TTC28: variants seen among roughly 807,000 people sequenced by gnomAD.
TTC28 encodes the protein tetratricopeptide repeat protein 28.
In TTC28, 61 loss-of-function variants were observed where a neutral mutation model predicts 198.0. The ratio of observed to expected loss-of-function variants is 0.31; its 90% CI spans 0.25 to 0.38. The LOEUF (loss-of-function observed/expected upper bound fraction) is 0.38. Ranked by LOEUF, TTC28 falls within the 10% of genes least tolerant of loss-of-function variation. The pLI is 1.00. For synonymous variants in TTC28, 1,171 were observed against 1,297.8 expected (o/e 0.90, Z 2.10); for missense variants, 2,678 against 3,164.0 (o/e 0.85, Z 3.69).
At chr22:28,244,913 TC>T (rs1929967630) in intron 5 of TTC28, among the ~76,000 whole-genome samples, 1 of 152,184 alleles carries the variant, frequency 6.6e-6, no homozygotes, top group East Asian at 1.9e-4. Context: ...TAGCTGGCCA[TC>T]CACATACACC....
intron 2 of TTC28, among the ~76,000 whole-genome samples, chr22:28,448,813 C>A (rs143780363): frequency 6.6e-6 from 1 of 152,176 alleles, no homozygotes; most frequent in Admixed American, 6.5e-5. Flanking sequence ...CAAAGCAGAT[C>A]ACCTCTGACC....
chr22:28,235,388 C>T (rs927043549), intron 5 of TTC28, among the ~76,000 whole-genome samples: 1 of 152,156 alleles, frequency 6.6e-6, no homozygotes, highest in Non-Finnish European at 1.5e-5. Context: ...TAACTGGCCT[C>T]TAAATATCAG....
intron 6 of TTC28, among the ~76,000 whole-genome samples, chr22:28,110,815 G>A (rs1942459842): frequency 6.6e-6 from 1 of 151,782 alleles, no homozygotes; most frequent in Non-Finnish European, 1.5e-5. Flanking sequence ...TGAGCCTGTA[G>A]TCCCAGCTAC....
chr22:28,409,608 T>C (rs2047051051), intron 2 of TTC28, among the ~76,000 whole-genome samples: 1 of 148,096 alleles, frequency 6.8e-6, no homozygotes, highest in African/African-American at 2.4e-5. Context: ...GAAACATACA[T>C]ATGTGTATAT....
chr22:28,111,468 A>G (rs1942480045), intron 6 of TTC28, among the ~76,000 whole-genome samples: 2 of 152,214 alleles, frequency 1.3e-5, no homozygotes, highest in Non-Finnish European at 2.9e-5. Context: ...GTGGTCCTAA[A>G]CCACTTTTAT....
intron 2 of TTC28, among the ~76,000 whole-genome samples, chr22:28,399,626 T>C (rs2146097504): frequency 6.6e-6 from 1 of 152,318 alleles, no homozygotes; most frequent in East Asian, 1.9e-4. Context: ...ATTATCAGCC[T>C]AAAACATAAC....
rs553168301 is a variant in TTC28 at position 28,197,754 on chromosome 22, T to C, written c.934-34155A>G. 1.1e-3 allele frequency among the ~76,000 whole-genome samples: 163 copies of C among 152,110 alleles called. 1 individual carries two copies. The highest frequency in any genetic ancestry group is 3.7e-3 in the African/African-American group (153 of 41,492). ...AACAGTGTGGGTGTGCTGGCTCACA[T>C]GTGTAATCCCAGCACTTTGGGAGAT... is the stretch of plus-strand genomic sequence containing the variant. On this transcript the variant is annotated intron_variant, in intron 5 of 22. Coordinates refer to ENST00000397906, the MANE Select transcript of TTC28 (RefSeq NM_001145418.2).
intron 2 of TTC28, among the ~76,000 whole-genome samples, chr22:28,556,825 A>G: frequency 6.6e-6 from 1 of 152,178 alleles, no homozygotes; most frequent in East Asian, 1.9e-4. Context: ...ATGCCTCATA[A>G]GCTGATGCTG....
At chr22:28,257,739 C>CATAT (rs66590909) in intron 5 of TTC28, among the ~76,000 whole-genome samples, 1,468 of 95,694 alleles carry the variant, frequency 0.015, 31 homozygotes, top group African/African-American at 0.021. Flanking sequence ...GGTAATAGAA[C>CATAT]ATATATATAT....
chr22:28,391,201 C>A (rs1300569037), intron 2 of TTC28, among the ~76,000 whole-genome samples: 1 of 152,126 alleles, frequency 6.6e-6, no homozygotes, highest in Non-Finnish European at 1.5e-5. Flanking sequence ...GAGTTTCTGC[C>A]GAGACATCAG....
chr22:28,133,522 CT>C (rs1472556269), intron 6 of TTC28, among the ~76,000 whole-genome samples: 1 of 152,188 alleles, frequency 6.6e-6, no homozygotes, highest in Admixed American at 6.5e-5. Flanking sequence ...TAATACTGAA[CT>C]TTTCCAACTG....
intron 2 of TTC28, among the ~76,000 whole-genome samples, chr22:28,361,990 A>G (rs1446215464): frequency 6.6e-6 from 1 of 152,216 alleles, no homozygotes; most frequent in Non-Finnish European, 1.5e-5. Context: ...ATTTCTTTTC[A>G]CTGACAACGC....
At chr22:28,123,245 T>TG (rs571641754) in intron 6 of TTC28, among the ~76,000 whole-genome samples, 1 of 151,124 alleles carries the variant, frequency 6.6e-6, no homozygotes, top group African/African-American at 2.5e-5. Context: ...TTCAGGTTTT[T>TG]TTTTTTGTTT....
intron 2 of TTC28, among the ~76,000 whole-genome samples, chr22:28,589,026 C>T (rs953136031): frequency 1.3e-5 from 2 of 152,156 alleles, no homozygotes; most frequent in Admixed American, 6.5e-5. Flanking sequence ...ATATTGTATG[C>T]TTAAGCCTTC....
chr22:28,008,617 A>G (rs1291428998), intron 14 of TTC28: 2 of 152,394 alleles, frequency 1.3e-5, no homozygotes, highest in East Asian at 1.9e-4. Flanking sequence ...GAGCAAGTCT[A>G]AACTCCAAGG....
At chr22:28,529,130 C>T (rs1021919085) in intron 2 of TTC28, among the ~76,000 whole-genome samples, 15 of 152,088 alleles carry the variant, frequency 9.9e-5, no homozygotes, top group Admixed American at 6.6e-4. Context: ...ACCCGGGAAG[C>T]GCAAGGGGTT....
At chr22:28,263,652 T>C (rs768095536) in intron 5 of TTC28, among the ~76,000 whole-genome samples, 4 of 152,150 alleles carry the variant, frequency 2.6e-5, no homozygotes, top group African/African-American at 4.8e-5. Context: ...TATAGTATTG[T>C]GCATTTTTAA....
chr22:28,534,289 G>A (rs1396467153), intron 2 of TTC28, among the ~76,000 whole-genome samples: 1 of 152,204 alleles, frequency 6.6e-6, no homozygotes, highest in Non-Finnish European at 1.5e-5. Flanking sequence ...AGACATTTAT[G>A]CAGCCAAAAG....
At chr22:28,133,561 A>T (rs2089478792) in intron 6 of TTC28, among the ~76,000 whole-genome samples, 1 of 152,212 alleles carries the variant, frequency 6.6e-6, no homozygotes, top group South Asian at 2.1e-4. Flanking sequence ...CCAGGAGATT[A>T]TAACCCGCGC....
Sources: gnomAD v4.1 joint callset for allele counts (sites outside exome capture counted in the v4.1 genomes callset) on GRCh38, gnomAD v4.1.1 for gene constraint, MANE v1.5 for transcripts, NCBI Gene and HGNC (gene_info 2026-07-23, HGNC 2026-07-21) for gene names.